Variants in AHCY observed in about 807,000 individuals in gnomAD.
The protein encoded by AHCY is S-adenosyl-L-homocysteine hydrolase.
In AHCY, 24 loss-of-function variants were observed where a neutral mutation model predicts 45.4. The ratio of observed to expected loss-of-function variants is 0.53; its 90% confidence interval spans 0.38 to 0.74. The LOEUF (loss-of-function observed/expected upper bound fraction) is 0.74, where lower values mean the gene tolerates loss of function less well. Ranked by LOEUF, AHCY falls within the 30% of genes least tolerant of loss-of-function variation. The probability of loss-of-function intolerance (pLI) is 0.00; values close to 1 mark genes in which losing one functional copy is unlikely to be tolerated. For synonymous variants in AHCY, 245 were observed against 235.1 expected (o/e 1.04, Z -0.39); for missense variants, 449 against 594.1 (o/e 0.76, Z 2.54).
intron 1 of AHCY, among the ~76,000 whole-genome samples, chr20:34,310,088 C>T (rs140754387): frequency 6.6e-6 from 1 of 152,216 alleles, no homozygotes; most frequent in Non-Finnish European, 1.5e-5. Context: ...GAGTCTCACA[C>T]TGTTACCCGG....
the AHCY span, chr20:34,262,854 G>A: frequency 6.2e-7 from 1 of 1,614,004 alleles, no homozygotes; most frequent in Non-Finnish European, 8.5e-7. Context: ...AATCCAAACA[G>A]ATCGGCAGAA....
the AHCY span, among the ~76,000 whole-genome samples, chr20:34,264,789 A>ATT: frequency 0.012 from 1,270 of 104,142 alleles, 26 homozygotes; most frequent in South Asian, 0.046. Flanking sequence ...AGTTTACTTC[A>ATT]TTTTTTTTTT....
At chr20:34,271,113 TG>T in the AHCY span, among the ~76,000 whole-genome samples, 1 of 152,012 alleles carries the variant, frequency 6.6e-6, no homozygotes, top group Non-Finnish European at 1.5e-5. Flanking sequence ...AGCTAATTTT[TG>T]TATTTTTAGT....
chr20:34,300,563 A>G (rs1199194256), intron 1 of AHCY, among the ~76,000 whole-genome samples: 1 of 126,478 alleles, frequency 7.9e-6, no homozygotes, highest in Non-Finnish European at 1.5e-5. Flanking sequence ...TCAAGCACCT[A>G]ATACAGTACC....
At chr20:34,288,803 T>C (rs2036271468) in intron 8 of AHCY, among the ~76,000 whole-genome samples, 1 of 152,134 alleles carries the variant, frequency 6.6e-6, no homozygotes, top group African/African-American at 2.4e-5. Context: ...CAAAATGTCT[T>C]CCAGAAACAT....
chr20:34,298,720 T>A (rs2036669808), intron 1 of AHCY, among the ~76,000 whole-genome samples: 2 of 151,842 alleles, frequency 1.3e-5, no homozygotes. Context: ...TCCAGAGGCC[T>A]AACCATCTCC....
the AHCY span, among the ~76,000 whole-genome samples, chr20:34,235,839 AAG>A: frequency 1.6e-5 from 1 of 64,390 alleles, no homozygotes; most frequent in South Asian, 5.2e-4. Flanking sequence ...GAAAGAAAGA[AAG>A]AAGGAAGGAA....
the AHCY span, among the ~76,000 whole-genome samples, chr20:34,257,062 T>TTC: frequency 1.7e-3 from 187 of 112,940 alleles, 1 homozygote; most frequent in South Asian, 0.011. Flanking sequence ...CTCTCTCTCT[T>TTC]TCTTTCTCTT....
chr20:34,258,700 A>ATATATATATATATACACACACACATAC, the AHCY span, among the ~76,000 whole-genome samples: 2 of 77,918 alleles, frequency 2.6e-5, no homozygotes, highest in African/African-American at 4.7e-5. Context: ...TACATACTAT[A>ATATATATATATATACACACACACATAC]TATATATATT....
rs778708948 is a variant in AHCY at position 34,295,554 on chromosome 20, C to T, written c.60G>A (p.Lys20=). 4.3e-6 allele frequency: 7 copies of T among 1,614,158 alleles called. No individual in the cohort carries two copies. In the South Asian group the frequency reaches 7.7e-5, roughly 18 times the overall value. The change falls in exon 2 of 10, where the codon AAG becomes AAA. Residue 20 remains lysine, a synonymous_variant. Transcript: ENST00000217426. ...TCTCGTTCTCAGCAATGTCCAGGGC[C>T]TTGCGTCCCCAGGCAGCCAGGCCGA... ...ADIGLAAWGR[K]ALDIAENEMP... is the part of the protein sequence containing the mutation.
chr20:34,250,436 G>C, the AHCY span, among the ~76,000 whole-genome samples: 6 of 152,360 alleles, frequency 3.9e-5, no homozygotes, highest in Admixed American at 3.9e-4. Context: ...GAGTGGCTGA[G>C]GCAGGAGGAT....
intron 9 of AHCY, chr20:34,281,690 A>T: frequency 4.9e-6 from 1 of 202,392 alleles, no homozygotes; most frequent in East Asian, 1.2e-4. Flanking sequence ...TTTTTTTGTG[A>T]CAGAGTCTCA....
At chr20:34,260,529 T>C in the AHCY span, 1 of 1,610,952 alleles carries the variant, frequency 6.2e-7, no homozygotes, top group Non-Finnish European at 8.5e-7. Context: ...TCTGTCTCTA[T>C]TGTGGGTAAG....
At chr20:34,267,613 C>A in the AHCY span, among the ~76,000 whole-genome samples, 1 of 151,948 alleles carries the variant, frequency 6.6e-6, no homozygotes, top group Non-Finnish European at 1.5e-5. Flanking sequence ...CTCACAGCAA[C>A]CTCCACCTCC....
intron 1 of AHCY, among the ~76,000 whole-genome samples, chr20:34,296,929 G>C (rs2036594072): frequency 6.6e-6 from 1 of 152,080 alleles, no homozygotes; most frequent in Non-Finnish European, 1.5e-5. Flanking sequence ...TCCCGCATGA[G>C]AGACCACTCC....
chr20:34,276,047 A>G (rs1391069609), downstream of AHCY, among the ~76,000 whole-genome samples: 1 of 152,242 alleles, frequency 6.6e-6, no homozygotes, highest in Admixed American at 6.5e-5. Flanking sequence ...GAGCAGCTAC[A>G]GGCTCACATT....
the AHCY span, among the ~76,000 whole-genome samples, chr20:34,253,451 A>AT: frequency 8.0e-5 from 11 of 137,768 alleles, no homozygotes; most frequent in Admixed American, 3.6e-4. Context: ...ATTTTATTTT[A>AT]TTTATTTATT....
the AHCY span, among the ~76,000 whole-genome samples, chr20:34,251,556 G>A: frequency 5.3e-5 from 8 of 152,166 alleles, no homozygotes; most frequent in Admixed American, 1.3e-4. Flanking sequence ...TTACAGGCAT[G>A]AGCCACCGCG....
At chr20:34,286,044 G>A in intron 8 of AHCY, 1 of 284,182 alleles carries the variant, frequency 3.5e-6, no homozygotes, top group East Asian at 9.5e-5. Context: ...GGTGGAGTTT[G>A]CAGCGAGCCG....
Sources: gnomAD v4.1 joint callset for allele counts (sites outside exome capture counted in the v4.1 genomes callset) on GRCh38, gnomAD v4.1.1 for gene constraint, MANE v1.5 for transcripts, NCBI Gene and HGNC (gene_info 2026-07-23, HGNC 2026-07-21) for gene names.